The following TENM3 variants were observed in gnomAD, a reference collection of about 807,000 sequenced individuals.
TENM3 encodes teneurin transmembrane protein 3.
In TENM3, 63 loss-of-function variants were observed where a neutral mutation model predicts 255.1. The ratio of observed to expected loss-of-function variants is 0.25; its 90% confidence interval spans 0.20 to 0.30. The LOEUF is 0.30. TENM3 is among the 10% of genes least tolerant of loss of function. The probability of loss-of-function intolerance (pLI) is 1.00; values close to 1 mark genes in which losing one functional copy is unlikely to be tolerated. For missense variants in TENM3, 2,929 were observed against 3,461.1 expected (o/e 0.85, Z 3.86); for synonymous variants, 1,306 against 1,322.3 (o/e 0.99, Z 0.27).
At chr4:182,051,874 A>G in the TENM3 span, among the ~76,000 whole-genome samples, 1 of 152,148 alleles carries the variant, frequency 6.6e-6, no homozygotes, top group African/African-American at 2.4e-5. Flanking sequence ...TCAGAAAGTC[A>G]TGTTGGAGAC....
At chr4:181,592,264 C>G in the TENM3 span, among the ~76,000 whole-genome samples, 2 of 151,620 alleles carry the variant, frequency 1.3e-5, no homozygotes, top group Admixed American at 1.3e-4. Flanking sequence ...CAAACACACA[C>G]ACACACACAC....
the TENM3 span, among the ~76,000 whole-genome samples, chr4:181,602,565 A>C: frequency 6.6e-6 from 1 of 152,212 alleles, no homozygotes. Flanking sequence ...AATATCTGTC[A>C]AAAGCCATCT....
rs377063856 is a variant in TENM3, at chr4:182,773,625, T to G, written c.5046T>G (p.Asp1682Glu). 4.5e-5 allele frequency: 72 copies of G among 1,612,724 alleles called. No homozygotes were observed. The highest frequency in any genetic ancestry group is 5.9e-5 in the Non-Finnish European group (70 of 1,179,416). The change falls in exon 23 of 28, where the codon GAT becomes GAG. Residue 1682 changes from aspartate (D) to glutamate (E), a missense_variant. By Grantham distance (45) the Asp-to-Glu change is conservative. Around this residue, in one of 6 missense-constraint regions of TENM3, gnomAD observed 1,608 missense variants for 1,884.4 expected, o/e 0.85. Coordinates refer to ENST00000511685, the MANE Select transcript of TENM3 (RefSeq NM_001080477.4). ...VSITSNLSSI[D>E]SFYTMVQDQL... is the part of the protein sequence containing the mutation. ...TCACTTCAAATCTGTCCTCGATCGA[T>G]TCTTTCTACACCATGGTTCAAGGTA...
At chr4:182,591,962 A>T (rs62339091) in intron 3 of TENM3, among the ~76,000 whole-genome samples, 169 of 152,278 alleles carry the variant, frequency 1.1e-3, no homozygotes, top group Non-Finnish European at 1.9e-3. Context: ...CTCCATTTAT[A>T]AGAAAAATTA....
the TENM3 span, among the ~76,000 whole-genome samples, chr4:181,705,691 G>GCA: frequency 1.3e-5 from 2 of 152,080 alleles, no homozygotes; most frequent in Admixed American, 1.3e-4. Context: ...AACCACCATG[G>GCA]CACATGTTTA....
chr4:182,451,907 C>A (rs1172035960), intron 3 of TENM3, among the ~76,000 whole-genome samples: 1 of 152,156 alleles, frequency 6.6e-6, no homozygotes, highest in African/African-American at 2.4e-5. Flanking sequence ...AGATTTTTAA[C>A]AAGCCACCTT....
At chr4:182,556,581 A>G (rs1044672974) in intron 3 of TENM3, among the ~76,000 whole-genome samples, 3 of 152,234 alleles carry the variant, frequency 2.0e-5, no homozygotes, top group Admixed American at 2.0e-4. Flanking sequence ...AGAGAATGGT[A>G]GCTTATCTCT....
At chr4:182,347,020 C>G (rs1764871214) in intron 3 of TENM3, 91 bp downstream of exon 3, 2 of 978,812 alleles carry the variant, frequency 2.0e-6, no homozygotes, top group Non-Finnish European at 2.9e-6. Flanking sequence ...TTCTTTCTCT[C>G]CTTCCTCTCA....
chr4:182,733,049 G>T (rs1159012188), intron 16 of TENM3, among the ~76,000 whole-genome samples: 2 of 152,106 alleles, frequency 1.3e-5, no homozygotes, highest in Admixed American at 6.5e-5. Flanking sequence ...GTGGAGAGAG[G>T]CAGTCAACAA....
At chr4:181,888,534 G>GTGTATATATATATA in the TENM3 span, among the ~76,000 whole-genome samples, 2 of 45,590 alleles carry the variant, frequency 4.4e-5, no homozygotes, top group Non-Finnish European at 8.5e-5. Context: ...ATACATATAT[G>GTGTATATATATATA]TGTATATATA....
chr4:181,761,086 T>C, the TENM3 span, among the ~76,000 whole-genome samples: 1 of 151,894 alleles, frequency 6.6e-6, no homozygotes, highest in Non-Finnish European at 1.5e-5. Context: ...CATATTTTAA[T>C]CAAATTACTC....
chr4:182,657,136 A>G (rs1275712255), intron 6 of TENM3, among the ~76,000 whole-genome samples: 4 of 152,170 alleles, frequency 2.6e-5, no homozygotes, highest in Non-Finnish European at 5.9e-5. Context: ...TCCTTCATTT[A>G]TTTACTTTGT....
chr4:182,378,581 C>T (rs1234692349), intron 3 of TENM3, among the ~76,000 whole-genome samples: 2 of 152,014 alleles, frequency 1.3e-5, no homozygotes, highest in Admixed American at 1.3e-4. Context: ...TCGCAAAGAC[C>T]CCAGGAGTGC....
chr4:182,592,700 G>A (rs1045715557), intron 3 of TENM3, among the ~76,000 whole-genome samples: 1 of 125,504 alleles, frequency 8.0e-6, no homozygotes, highest in African/African-American at 2.6e-5. Context: ...GGGCCACAGA[G>A]CAAGACTGTG....
the TENM3 span, among the ~76,000 whole-genome samples, chr4:181,622,723 A>T: frequency 6.6e-6 from 1 of 152,252 alleles, no homozygotes; most frequent in African/African-American, 2.4e-5. Flanking sequence ...ATGAGACGGG[A>T]GGGCTTCATT....
At chr4:182,394,708 A>C (rs72699960) in intron 3 of TENM3, among the ~76,000 whole-genome samples, 14,152 of 152,248 alleles carry the variant, frequency 0.093, 1,242 homozygotes, top group East Asian at 0.29. Flanking sequence ...ATTTTTAATT[A>C]TGAGTTCTTG....
At chr4:182,098,765 A>G in the TENM3 span, among the ~76,000 whole-genome samples, 1 of 152,152 alleles carries the variant, frequency 6.6e-6, no homozygotes, top group Non-Finnish European at 1.5e-5. Context: ...CAGTAGCACA[A>G]CAGGGCAACT....
At chr4:181,918,206 C>T in the TENM3 span, among the ~76,000 whole-genome samples, 930 of 152,148 alleles carry the variant, frequency 6.1e-3, 5 homozygotes, top group African/African-American at 0.021. Flanking sequence ...TTTTTCATGG[C>T]TTTCTGAATA....
Position 182,324,161 on chromosome 4 carries a change from G to T in TENM3, c.141G>T (p.Leu47Phe). Residue 47 changes from leucine to phenylalanine, a missense_variant, in exon 2 of 28, where the codon TTG (leucine) becomes TTT (phenylalanine). Physicochemically the swap from Leu to Phe is conservative, Grantham distance 22. Transcript: ENST00000511685. ...AGTCCTACAGTTCCAGCGAGACATT[G>T]AAAGCTTTTGATCATGATTCCTCGC... ...TQKSYSSSETLKAFDHDSSRL... is the reference protein window; with the variant it reads ...TQKSYSSSETFKAFDHDSSRL... 1 of 1,614,046 alleles carries T rather than the reference G, an allele frequency of 6.2e-7. No homozygotes were observed. Among genetic ancestry groups the T allele is most frequent in the Non-Finnish European group, 8.5e-7 (1 of 1,179,892 alleles).
Sources: gnomAD v4.1 joint callset for allele counts (sites outside exome capture counted in the v4.1 genomes callset) on GRCh38, gnomAD v4.1.1 for gene constraint, gnomAD v4.1.1 regional missense constraint, MANE v1.5 for transcripts, NCBI Gene and HGNC (gene_info 2026-07-23, HGNC 2026-07-21) for gene names.